The following KCNIP1 variants were observed in gnomAD, a reference collection of about 807,000 sequenced individuals.
KCNIP1 encodes potassium voltage-gated channel interacting protein 1, also known as A-type potassium channel modulatory protein KCNIP1.
Under a neutral mutation model 33.0 loss-of-function variants are expected in KCNIP1, and 18 were observed. The ratio of observed to expected loss-of-function variants is 0.55; its 90% CI spans 0.38 to 0.81. The LOEUF (loss-of-function observed/expected upper bound fraction) is 0.81, where lower values mean the gene tolerates loss of function less well. KCNIP1 is among the 30% of genes least tolerant of loss of function. The probability of loss-of-function intolerance (pLI) is 0.00; values close to 1 mark genes in which losing one functional copy is unlikely to be tolerated. For missense variants in KCNIP1, 238 were observed against 271.6 expected, an observed-to-expected ratio of 0.88 and a Z score of 0.87; for synonymous variants, 93 against 98.3, an observed-to-expected ratio of 0.95 and a Z score of 0.32.
At chr5:170,626,265 T>C (rs905827) in intron 1 of KCNIP1, among the ~76,000 whole-genome samples, 72,262 of 152,024 alleles carry the variant, frequency 0.48, 17,734 homozygotes, top group East Asian at 0.65. Flanking sequence ...ACCCAGCAAA[T>C]GGAAACTGAA....
At chr5:170,384,925 C>T (rs546117927) in intron 1 of KCNIP1, among the ~76,000 whole-genome samples, 2 of 152,288 alleles carry the variant, frequency 1.3e-5, no homozygotes, top group South Asian at 4.1e-4. Flanking sequence ...TGGATGCCCA[C>T]CTGACAGGGA....
intron 1 of KCNIP1, among the ~76,000 whole-genome samples, chr5:170,666,561 A>T (rs577641292): frequency 6.6e-6 from 1 of 152,236 alleles, no homozygotes; most frequent in Non-Finnish European, 1.5e-5. Flanking sequence ...TATAGCAAAG[A>T]TATAAAAGAA....
At chr5:170,500,626 A>G (rs1019595170), upstream of KCNIP1, among the ~76,000 whole-genome samples, 1 of 152,134 alleles carries the variant, frequency 6.6e-6, no homozygotes, top group Non-Finnish European at 1.5e-5. Flanking sequence ...AGGGCCTGTT[A>G]TCATCATCTT....
At chr5:170,716,382 T>C (rs557329755) in intron 1 of KCNIP1, among the ~76,000 whole-genome samples, 2 of 152,254 alleles carry the variant, frequency 1.3e-5, no homozygotes, top group African/African-American at 2.4e-5. Flanking sequence ...ATTCTTACTA[T>C]AAAATACAGC....
chr5:170,390,991 C>T (rs912396186), intron 1 of KCNIP1, among the ~76,000 whole-genome samples: 2 of 152,144 alleles, frequency 1.3e-5, no homozygotes, highest in African/African-American at 2.4e-5. Context: ...CCCTTCTCCA[C>T]CCCTTTCCTA....
At chr5:170,485,539 C>T (rs1026749585) in intron 1 of KCNIP1, among the ~76,000 whole-genome samples, 2 of 152,178 alleles carry the variant, frequency 1.3e-5, no homozygotes, top group Non-Finnish European at 2.9e-5. Context: ...GATTCATAAA[C>T]CCTATTCTGC....
chr5:170,365,468 C>T (rs902440559), intron 1 of KCNIP1, among the ~76,000 whole-genome samples: 2 of 152,230 alleles, frequency 1.3e-5, no homozygotes, highest in Non-Finnish European at 2.9e-5. Context: ...AGTTCTGGAG[C>T]TGGCGGGCCA....
intron 1 of KCNIP1, among the ~76,000 whole-genome samples, chr5:170,442,707 G>A (rs1358328285): frequency 6.6e-6 from 1 of 152,200 alleles, no homozygotes; most frequent in Admixed American, 6.5e-5. Flanking sequence ...CTTCTAGAGT[G>A]CAGATCTTTT....
chr5:170,513,957 T>G (rs1755032097), intron 1 of KCNIP1, among the ~76,000 whole-genome samples: 1 of 152,210 alleles, frequency 6.6e-6, no homozygotes, highest in African/African-American at 2.4e-5. Flanking sequence ...TATTCTCACT[T>G]TGCAGAGTAG....
In KCNIP1 at chr5:170,563,640, T is replaced by G. The variant is rs199722276; in HGVS notation, c.61+59007T>G. Among the ~76,000 whole-genome samples, 607 of 139,386 alleles carry G rather than the reference T, an allele frequency of 4.4e-3. 1 individual carries two copies. The highest frequency in any genetic ancestry group is 0.013 in the East Asian group (64 of 4,962). The allele number at this position is 139,386 out of a possible 152,430, so 91.4% of individuals were successfully genotyped here. ...TAGTTTTAAGGTGTTTTGTTTTTTTTTTTGTTTGTTTGTTTGTTTGAGACA... is the reference window on the plus strand; with the variant it reads ...TAGTTTTAAGGTGTTTTGTTTTTTTGTTTGTTTGTTTGTTTGTTTGAGACA... On this transcript the variant is annotated intron_variant, in intron 1 of 7. Coordinates refer to ENST00000328939, the MANE Select transcript of KCNIP1 (RefSeq NM_014592.4).
chr5:170,675,303 A>AAT (rs749714560), intron 1 of KCNIP1, among the ~76,000 whole-genome samples: 37 of 151,262 alleles, frequency 2.4e-4, no homozygotes, highest in Non-Finnish European at 3.8e-4. Flanking sequence ...TGTCTCAAAA[A>AAT]ATATATATAT....
intron 1 of KCNIP1, among the ~76,000 whole-genome samples, chr5:170,379,955 A>G (rs1024355508): frequency 1.3e-5 from 2 of 152,012 alleles, no homozygotes; most frequent in Non-Finnish European, 2.9e-5. Context: ...CCATTTCAAA[A>G]AAAAAAAAAA....
chr5:170,525,440 A>T (rs1755532077), intron 1 of KCNIP1, among the ~76,000 whole-genome samples: 1 of 152,250 alleles, frequency 6.6e-6, no homozygotes, highest in South Asian at 2.1e-4. Context: ...CTCAATCAAC[A>T]TTTAAAAATG....
At chr5:170,360,904 C>G (rs968097443) in intron 1 of KCNIP1, among the ~76,000 whole-genome samples, 2 of 152,236 alleles carry the variant, frequency 1.3e-5, no homozygotes, top group Non-Finnish European at 2.9e-5. Context: ...CTGGAGTTCC[C>G]TTTTTGAGGT....
intron 1 of KCNIP1, among the ~76,000 whole-genome samples, chr5:170,558,892 C>T (rs1694752805): frequency 6.6e-6 from 1 of 152,230 alleles, no homozygotes; most frequent in Admixed American, 6.5e-5. Context: ...TTCTTAGCCC[C>T]TAGTAAACTG....
At chr5:170,699,596 G>A (rs1763023894) in intron 1 of KCNIP1, among the ~76,000 whole-genome samples, 2 of 149,914 alleles carry the variant, frequency 1.3e-5, no homozygotes, top group African/African-American at 4.9e-5. Flanking sequence ...AGTCCCAGGA[G>A]ATTTTCTCCA....
At chr5:170,393,595 G>C (rs756601572) in intron 1 of KCNIP1, among the ~76,000 whole-genome samples, 1 of 152,206 alleles carries the variant, frequency 6.6e-6, no homozygotes, top group Non-Finnish European at 1.5e-5. Flanking sequence ...TTTTAAATGA[G>C]AGACAGTAAT....
chr5:170,661,148 G>A (rs1761468620), intron 1 of KCNIP1, among the ~76,000 whole-genome samples: 2 of 152,222 alleles, frequency 1.3e-5, no homozygotes, highest in Non-Finnish European at 2.9e-5. Flanking sequence ...AGAGGTTGAG[G>A]AGATGGCTGA....
intron 1 of KCNIP1, among the ~76,000 whole-genome samples, chr5:170,585,357 G>C (rs540744500): frequency 9.9e-5 from 15 of 152,188 alleles, no homozygotes; most frequent in African/African-American, 3.4e-4. Flanking sequence ...GATGAGCCGG[G>C]ACTTGAACCC....
Sources: gnomAD v4.1 joint callset for allele counts (sites outside exome capture counted in the v4.1 genomes callset) on GRCh38, gnomAD v4.1.1 for gene constraint, MANE v1.5 for transcripts, NCBI Gene and HGNC (gene_info 2026-07-23, HGNC 2026-07-21) for gene names.